PDHX: variants seen among roughly 807,000 people sequenced by gnomAD.
The protein encoded by PDHX is pyruvate dehydrogenase protein X component, mitochondrial.
Under a neutral mutation model 55.3 loss-of-function variants are expected in PDHX, and 33 were observed. That is an observed-to-expected ratio of 0.60 (90% CI 0.45 to 0.80). The LOEUF is 0.80. Among genes scored for constraint, PDHX ranks in the 30% least tolerant of loss-of-function variants. The pLI, the probability that PDHX is intolerant of heterozygous loss-of-function variation, is 0.00. For synonymous variants in PDHX, 226 were observed against 219.4 expected (o/e 1.03, Z -0.27); for missense variants, 622 against 619.9 (o/e 1.00, Z -0.04).
intron 1 of PDHX, among the ~76,000 whole-genome samples, chr11:34,918,298 A>G (rs910175356): frequency 4.6e-5 from 7 of 151,946 alleles, no homozygotes; most frequent in East Asian, 1.9e-4. Context: ...AAGAAAGAAA[A>G]AAAGCCAGGC....
At chr11:34,985,390 G>A (rs999434984) in intron 9 of PDHX, among the ~76,000 whole-genome samples, 8 of 152,122 alleles carry the variant, frequency 5.3e-5, no homozygotes, top group Non-Finnish European at 8.8e-5. Context: ...GCAGTGAGCC[G>A]AGATTGCGCC....
Position 34,984,621 on chromosome 11 carries a change from C to G in PDHX, c.1075C>G (p.Pro359Ala). ...SWDGEGPKQL[P>A]FIDISVAVAT... ...GGATGGAGAGGGCCCAAAGCAACTG[C>G]CATTTATTGACATTTCAGTGGCTGT... is the stretch of plus-strand genomic sequence containing the variant. The change falls in exon 9 of 11, where the codon CCA becomes GCA. Residue 359 changes from proline to alanine, a missense_variant. Coordinates refer to ENST00000227868, the MANE Select transcript of PDHX (RefSeq NM_003477.3). 1 of 1,613,816 alleles carries G rather than the reference C, an allele frequency of 6.2e-7. No individual in the cohort carries two copies. Among genetic ancestry groups the G allele is most frequent in the Non-Finnish European group, 8.5e-7 (1 of 1,179,828 alleles).
chr11:34,916,065 C>G, upstream of PDHX: 1 of 940,578 alleles, frequency 1.1e-6, no homozygotes, highest in Non-Finnish European at 1.5e-6. Context: ...GCCTTGCTTC[C>G]GAACGCCAAG....
chr11:34,979,288 A>G (rs1431580228), intron 8 of PDHX, among the ~76,000 whole-genome samples: 2 of 152,142 alleles, frequency 1.3e-5, no homozygotes, highest in Non-Finnish European at 2.9e-5. Context: ...CAGATATTCC[A>G]GTGGAGGTGG....
At chr11:34,971,643 GA>G (rs1177830012) in intron 7 of PDHX, among the ~76,000 whole-genome samples, 8 of 151,998 alleles carry the variant, frequency 5.3e-5, no homozygotes, top group Non-Finnish European at 1.2e-4. Flanking sequence ...TCCACTTAAT[GA>G]TTAACCTTCT....
At chr11:34,955,913 C>T (rs1009326942) in intron 3 of PDHX, among the ~76,000 whole-genome samples, 1 of 152,090 alleles carries the variant, frequency 6.6e-6, no homozygotes, top group Non-Finnish European at 1.5e-5. Flanking sequence ...GACTTCATGT[C>T]ACTTAACAGT....
intron 9 of PDHX, among the ~76,000 whole-genome samples, chr11:34,991,960 C>CTTG (rs1450086218): frequency 2.8e-5 from 4 of 145,190 alleles, no homozygotes; most frequent in Non-Finnish European, 6.0e-5. Context: ...AGAATGGATT[C>CTTG]TTGTATTTTT....
intron 1 of PDHX, among the ~76,000 whole-genome samples, chr11:34,919,932 A>T (rs1853832091): frequency 6.6e-6 from 1 of 152,230 alleles, no homozygotes; most frequent in South Asian, 2.1e-4. Context: ...TATAGGGCTG[A>T]TCCTTAAGGT....
intron 2 of PDHX, among the ~76,000 whole-genome samples, chr11:34,935,261 A>G (rs549492100): frequency 3.3e-5 from 5 of 152,260 alleles, no homozygotes; most frequent in African/African-American, 1.2e-4. Flanking sequence ...ATGAATTGGA[A>G]TGTTGATATT....
chr11:34,981,032 G>A (rs1855499431), intron 8 of PDHX, among the ~76,000 whole-genome samples: 1 of 151,706 alleles, frequency 6.6e-6, no homozygotes, highest in Non-Finnish European at 1.5e-5. Context: ...AAGTTTTAGG[G>A]TACATGTGCA....
rs747386411 is a variant in PDHX, at chr11:34,957,520, G to A, written c.479G>A (p.Arg160His). 68 of 1,613,702 alleles carry A rather than the reference G, an allele frequency of 4.2e-5. No homozygotes were observed. In the South Asian group the frequency reaches 6.3e-4, roughly 15 times the overall value. ...PPPVSKPSEPRPSPEPQISIP... is the reference protein window; with the variant it reads ...PPPVSKPSEPHPSPEPQISIP... ...CCAGTTTCAAAACCTTCAGAGCCTC[G>A]CCCCTCACCAGAACCACAGATTTCC... The change falls in exon 4 of 11, where the codon CGC (arginine) becomes CAC (histidine). Residue 160 changes from arginine to histidine, a missense_variant. Physicochemically the swap from Arg to His is conservative, Grantham distance 29 (BLOSUM62 0). Transcript: ENST00000227868.
chr11:34,950,979 T>G (rs1176803745), intron 3 of PDHX, among the ~76,000 whole-genome samples: 1 of 150,546 alleles, frequency 6.6e-6, no homozygotes, highest in Non-Finnish European at 1.5e-5. Context: ...TGAACTAGTT[T>G]ACAGTCCCAC....
chr11:34,950,802 T>C (rs1485829945), intron 3 of PDHX, among the ~76,000 whole-genome samples: 1 of 151,042 alleles, frequency 6.6e-6, no homozygotes, highest in East Asian at 1.9e-4. Flanking sequence ...TGGTTCCAAG[T>C]CTTTGCTATT....
intron 2 of PDHX, among the ~76,000 whole-genome samples, chr11:34,935,176 AT>A (rs1452444150): frequency 2.6e-5 from 4 of 151,732 alleles, no homozygotes; most frequent in Admixed American, 2.0e-4. Context: ...TTATATATAA[AT>A]TTTTTTAATA....
At chr11:34,952,024 T>A (rs558435161) in intron 3 of PDHX, among the ~76,000 whole-genome samples, 2 of 152,256 alleles carry the variant, frequency 1.3e-5, no homozygotes, top group East Asian at 3.9e-4. Context: ...GCGGCGTTAT[T>A]TCTGAGGGTC....
rs1491574898 is a variant in PDHX, at chr11:34,939,504, T to TGTGTGTGTGTGTGC, written c.242-8001_242-8000insTGTGTGTGTGTGCG. Among the ~76,000 whole-genome samples the TGTGTGTGTGTGTGC allele has an allele frequency of 1.2e-3, 177 of 148,510 alleles. 3 individuals are homozygous for TGTGTGTGTGTGTGC. The highest frequency in any genetic ancestry group is 4.4e-3 in the African/African-American group (172 of 39,270). The stretch of plus-strand genomic sequence containing the variant: ...GTGTGTGTGTGTGTGTGTGTGTGTG[T>TGTGTGTGTGTGTGC]GCACTTGCATGCGCGCAGCGTTTTA... On this transcript the variant is annotated intron_variant, in intron 2 of 10. Coordinates refer to ENST00000227868, the MANE Select transcript of PDHX (RefSeq NM_003477.3).
upstream of PDHX, chr11:34,916,560 G>T (rs944600231): frequency 3.9e-6 from 6 of 1,536,788 alleles, no homozygotes; most frequent in African/African-American, 1.4e-5. Context: ...TAAAGGCACC[G>T]CTAGCGTCTG....
At chr11:34,967,451 A>G (rs1349497803) in intron 6 of PDHX, among the ~76,000 whole-genome samples, 1 of 152,212 alleles carries the variant, frequency 6.6e-6, no homozygotes, top group Non-Finnish European at 1.5e-5. Context: ...CTTAAGTGTG[A>G]TACTAATAAT....
At chr11:34,924,363 T>C (rs555472448) in intron 1 of PDHX, among the ~76,000 whole-genome samples, 2 of 152,238 alleles carry the variant, frequency 1.3e-5, no homozygotes, top group Non-Finnish European at 1.5e-5. Context: ...TAGCTGGGAC[T>C]ATAGGCATGT....
Sources: gnomAD v4.1 joint callset for allele counts (sites outside exome capture counted in the v4.1 genomes callset) on GRCh38, gnomAD v4.1.1 for gene constraint, MANE v1.5 for transcripts, NCBI Gene and HGNC (gene_info 2026-07-23, HGNC 2026-07-21) for gene names.